FTO: variants seen among roughly 807,000 people sequenced by gnomAD.
FTO encodes alpha-ketoglutarate-dependent dioxygenase FTO.
FTO carries 47 observed loss-of-function variants against 63.9 expected under a neutral mutation model. That is an observed-to-expected ratio of 0.74 (90% CI 0.58 to 0.94). FTO has a LOEUF of 0.94. FTO is among the 40% of genes least tolerant of loss of function. The probability of loss-of-function intolerance (pLI) is 0.00; values close to 1 mark genes in which losing one functional copy is unlikely to be tolerated. For missense variants in FTO, 562 were observed against 618.1 expected (o/e 0.91, Z 0.96); for synonymous variants, 207 against 224.4 (o/e 0.92, Z 0.69).
At chr16:53,772,884 A>C (rs1237323480) in intron 1 of FTO, among the ~76,000 whole-genome samples, 1 of 152,110 alleles carries the variant, frequency 6.6e-6, no homozygotes, top group Non-Finnish European at 1.5e-5. Context: ...GCTAATATAC[A>C]AAGTTTGCTA....
Position 53,744,398 on chromosome 16 carries a change from T to A in FTO, c.45+40169T>A, listed in dbSNP as rs138707353. Among the ~76,000 whole-genome samples the A allele has an allele frequency of 3.3e-3, 497 of 152,336 alleles. 1 individual carries two copies. The highest frequency in any genetic ancestry group is 5.6e-3 in the Non-Finnish European group (383 of 68,020). ...AAAAAATAAATCGGCTCATGCTAGG[T>A]TTTCTTTAGTCACGAATAATTTAAC... On this transcript the variant is annotated intron_variant, in intron 1 of 8. Coordinates refer to ENST00000471389, the MANE Select transcript of FTO (RefSeq NM_001080432.3).
intron 8 of FTO, among the ~76,000 whole-genome samples, chr16:54,091,009 G>A (rs1345589518): frequency 2.6e-5 from 4 of 152,136 alleles, no homozygotes; most frequent in African/African-American, 4.8e-5. Context: ...AGCAGAAACT[G>A]CCAGGCTTTT....
rs16952853 is a variant in FTO at position 54,024,577 on chromosome 16, A to G, written c.1365-87185A>G. 9.6e-3 allele frequency among the ~76,000 whole-genome samples: 1,457 copies of G among 152,270 alleles called. 26 individuals carry two copies. The highest frequency in any genetic ancestry group is 0.032 in the African/African-American group (1,341 of 41,552). On this transcript the variant is annotated intron_variant, in intron 8 of 8. Coordinates refer to ENST00000471389, the MANE Select transcript of FTO (RefSeq NM_001080432.3). ...ATTGCCACCAGCGATAGAGAAGTAT[A>G]TAATTTTATCACAGTAGCTTTGAGA...
chr16:53,825,301 A>C (rs2078973960), intron 2 of FTO, among the ~76,000 whole-genome samples: 1 of 152,180 alleles, frequency 6.6e-6, no homozygotes, highest in Non-Finnish European at 1.5e-5. Context: ...GTGCCCTGGA[A>C]GCCAGGGGTT....
At chr16:53,820,652 C>T (rs2078837500) in intron 2 of FTO, among the ~76,000 whole-genome samples, 1 of 149,828 alleles carries the variant, frequency 6.7e-6, no homozygotes, top group Non-Finnish European at 1.5e-5. Flanking sequence ...CAACAGTCCC[C>T]AGAGTGTAAT....
chr16:53,706,649 T>C (rs906908780), intron 1 of FTO, among the ~76,000 whole-genome samples: 6 of 152,228 alleles, frequency 3.9e-5, no homozygotes, highest in Non-Finnish European at 2.9e-5. Context: ...TCCTCCTGCC[T>C]CTGCTACCCA....
chr16:53,950,155 TAAAAA>T (rs57925273), intron 8 of FTO, among the ~76,000 whole-genome samples: 22 of 50,622 alleles, frequency 4.3e-4, no homozygotes, highest in Non-Finnish European at 5.8e-4. Context: ...TTCACATTTG[TAAAAA>T]AAAAAAAAAA....
intron 8 of FTO, among the ~76,000 whole-genome samples, chr16:54,022,679 A>T (rs1375123017): frequency 6.6e-6 from 1 of 152,252 alleles, no homozygotes; most frequent in Admixed American, 6.5e-5. Context: ...GGAAATAAAT[A>T]CAACAAGATT....
At position 53,883,636 on chromosome 16, in the gene FTO, C is replaced by CA. The variant is rs1202328126; in HGVS notation, c.1119+3662dup. On this transcript the variant is annotated intron_variant, in intron 6 of 8. Coordinates refer to ENST00000471389, the MANE Select transcript of FTO (RefSeq NM_001080432.3). The stretch of plus-strand genomic sequence containing the variant: ...AAACTCTATCTCAAAAAAAAAAAAA[C>CA]AAAAAAAAAAAAACAAATTTGTCTG... Among the ~76,000 whole-genome samples, 1,001 of 121,108 alleles carry CA rather than the reference C, an allele frequency of 8.3e-3. 33 individuals carry two copies. The highest frequency in any genetic ancestry group is 0.028 in the African/African-American group (860 of 31,238). The allele number at this position is 121,108 out of a possible 152,430, so 79.5% of individuals were successfully genotyped here.
intron 8 of FTO, among the ~76,000 whole-genome samples, chr16:54,003,033 A>C (rs1352368070): frequency 6.6e-6 from 1 of 152,208 alleles, no homozygotes; most frequent in Non-Finnish European, 1.5e-5. Flanking sequence ...AAAGAGAAAG[A>C]CTGTGAAATA....
chr16:53,989,346 A>G (rs1387284282), intron 8 of FTO, among the ~76,000 whole-genome samples: 2 of 152,198 alleles, frequency 1.3e-5, no homozygotes, highest in Non-Finnish European at 2.9e-5. Flanking sequence ...CAGACGACAT[A>G]AAGCAGGAAA....
At chr16:53,887,781 C>T (rs987963965) in intron 6 of FTO, 3 of 152,102 alleles carry the variant, frequency 2.0e-5, no homozygotes, top group African/African-American at 4.8e-5. Context: ...GATTGCTACT[C>T]TTGTTTTTAA....
At chr16:53,946,313 C>A (rs1423205198) in intron 8 of FTO, among the ~76,000 whole-genome samples, 1 of 152,166 alleles carries the variant, frequency 6.6e-6, no homozygotes, top group Non-Finnish European at 1.5e-5. Flanking sequence ...AGTATCCATG[C>A]GTGAAAGAAA....
chr16:53,779,468 C>T (rs76873506), intron 1 of FTO, among the ~76,000 whole-genome samples: 1,774 of 152,282 alleles, frequency 0.012, 36 homozygotes, highest in African/African-American at 0.04. Context: ...TTTAATTTAA[C>T]AGTCCAGCTC....
chr16:53,810,142 A>G lies in FTO; in HGVS notation c.48A>G (p.Lys16=). 1 of 1,605,298 alleles carries G rather than the reference A, an allele frequency of 6.2e-7. No individual in the cohort carries two copies. Among genetic ancestry groups the G allele is most frequent in the South Asian group, 1.1e-5 (1 of 90,844 alleles). Residue 16 remains lysine (K), a splice_region_variant and synonymous_variant, in exon 2 of 9, where the codon AAA becomes AAG. Transcript: ENST00000471389. ...TAEEREREAK[K]LRLLEELEDT... The stretch of plus-strand genomic sequence containing the variant: ...ATGTAATTATTATTTTCAAACAGAA[A>G]CTGAGGCTTCTTGAAGAGCTTGAAG...
intron 1 of FTO, among the ~76,000 whole-genome samples, chr16:53,788,961 T>C (rs2077824109): frequency 1.3e-5 from 2 of 152,228 alleles, no homozygotes; most frequent in South Asian, 4.1e-4. Context: ...AAAGCTGAAA[T>C]ACATTGCAAA....
intron 7 of FTO, among the ~76,000 whole-genome samples, chr16:53,904,033 A>G (rs1048024796): frequency 2.0e-5 from 3 of 151,772 alleles, no homozygotes; most frequent in Admixed American, 2.0e-4. Flanking sequence ...TAGACAATAT[A>G]CATATATGTT....
intron 7 of FTO, among the ~76,000 whole-genome samples, chr16:53,910,377 C>T (rs1036508418): frequency 2.6e-5 from 4 of 152,012 alleles, no homozygotes; most frequent in Non-Finnish European, 5.9e-5. Context: ...TCCAATCGAC[C>T]CATTCTTCAA....
intron 4 of FTO, among the ~76,000 whole-genome samples, chr16:53,860,237 A>G (rs1223253384): frequency 6.6e-6 from 1 of 152,220 alleles, no homozygotes; most frequent in Admixed American, 6.5e-5. Flanking sequence ...CAAATACCAC[A>G]TGATCTTACT....
Sources: gnomAD v4.1 joint callset for allele counts (sites outside exome capture counted in the v4.1 genomes callset) on GRCh38, gnomAD v4.1.1 for gene constraint, MANE v1.5 for transcripts, NCBI Gene and HGNC (gene_info 2026-07-23, HGNC 2026-07-21) for gene names.